Variants in SGCD observed in about 807,000 individuals in gnomAD.
The protein encoded by SGCD is delta-sarcoglycan.
Under a neutral mutation model 36.6 loss-of-function variants are expected in SGCD, and 18 were observed. The observed-to-expected ratio is 0.49, with a 90% CI of 0.34 to 0.73. The LOEUF is 0.73. Ranked by LOEUF, SGCD falls within the 30% of genes least tolerant of loss-of-function variation. The pLI is 0.01. For synonymous variants in SGCD, 133 were observed against 130.6 expected (o/e 1.02, Z -0.12); for missense variants, 387 against 346.7 (o/e 1.12, Z -0.92).
chr5:156,581,343 G>A (rs1760248068), intron 4 of SGCD, among the ~76,000 whole-genome samples: 1 of 152,158 alleles, frequency 6.6e-6, no homozygotes, highest in African/African-American at 2.4e-5. Flanking sequence ...GCCCCTACTG[G>A]GAGGTGTCTC....
intron 3 of SGCD, among the ~76,000 whole-genome samples, chr5:156,425,056 C>A (rs1504930): frequency 2.0e-5 from 3 of 151,428 alleles, no homozygotes; most frequent in Middle Eastern, 3.4e-3. Flanking sequence ...TCTGAGAATG[C>A]TGAGAAACTT....
At chr5:156,478,977 G>A (rs1483406964) in intron 3 of SGCD, among the ~76,000 whole-genome samples, 6 of 152,116 alleles carry the variant, frequency 3.9e-5, no homozygotes, top group African/African-American at 1.4e-4. Flanking sequence ...GAGCCAAATC[G>A]GCCCACTCTC....
chr5:155,886,755 A>G (rs1206419664), intron 1 of SGCD, among the ~76,000 whole-genome samples: 1 of 152,248 alleles, frequency 6.6e-6, no homozygotes, highest in Non-Finnish European at 1.5e-5. Flanking sequence ...TGGGACTAGC[A>G]GCTGAGATGC....
At chr5:156,216,115 A>G (rs567034132) in intron 3 of SGCD, among the ~76,000 whole-genome samples, 6 of 152,300 alleles carry the variant, frequency 3.9e-5, no homozygotes, top group South Asian at 4.1e-4. Context: ...CCTAGAATCT[A>G]AAAATGTTGA....
intron 6 of SGCD, among the ~76,000 whole-genome samples, chr5:156,637,581 C>A (rs1286275746): frequency 6.6e-6 from 1 of 152,146 alleles, no homozygotes; most frequent in Non-Finnish European, 1.5e-5. Context: ...CTACCTACAT[C>A]TCTTTGAACA....
chr5:156,001,484 G>A (rs1009290245), intron 1 of SGCD, among the ~76,000 whole-genome samples: 1 of 152,154 alleles, frequency 6.6e-6, no homozygotes, highest in Non-Finnish European at 1.5e-5. Context: ...CTCACGTTGT[G>A]GATAACAACT....
Position 155,934,329 on chromosome 5 carries a change from T to C in SGCD, c.-282+63905T>C, listed in dbSNP as rs1438159162. Among the ~76,000 whole-genome samples, 5 of 152,362 alleles carry C rather than the reference T, an allele frequency of 3.3e-5. No homozygotes were observed. The East Asian group carries it at 9.6e-4, about 29-fold the overall frequency. On this transcript the variant is annotated intron_variant, in intron 1 of 9. Transcript: ENST00000517913. ...TGAAAATGGCCTGACTTAGTTGGCATCTTGCTCACATCCCAGAGCTGCGTT... is the reference window on the plus strand; with the variant it reads ...TGAAAATGGCCTGACTTAGTTGGCACCTTGCTCACATCCCAGAGCTGCGTT...
intron 3 of SGCD, among the ~76,000 whole-genome samples, chr5:156,197,517 A>G (rs1764050664): frequency 2.1e-5 from 3 of 145,252 alleles, no homozygotes; most frequent in African/African-American, 7.7e-5. Flanking sequence ...TATAGCTCAC[A>G]GTATTAGGGT....
At chr5:155,956,255 C>T (rs1372624176) in intron 1 of SGCD, among the ~76,000 whole-genome samples, 1 of 151,918 alleles carries the variant, frequency 6.6e-6, no homozygotes, top group African/African-American at 2.4e-5. Context: ...ACAGATATTA[C>T]TAGCTTGCAA....
At chr5:155,953,327 C>T (rs896654651) in intron 1 of SGCD, among the ~76,000 whole-genome samples, 2 of 152,184 alleles carry the variant, frequency 1.3e-5, no homozygotes, top group South Asian at 2.1e-4. Context: ...GACCTGCAAA[C>T]TATAGCCTGT....
chr5:156,139,688 G>A (rs538975501), intron 3 of SGCD, among the ~76,000 whole-genome samples: 1 of 152,238 alleles, frequency 6.6e-6, no homozygotes, highest in South Asian at 2.1e-4. Flanking sequence ...TAACCACAGG[G>A]AAACTTTCAC....
intron 6 of SGCD, among the ~76,000 whole-genome samples, chr5:156,642,531 G>A (rs1007180815): frequency 5.0e-5 from 7 of 140,714 alleles, no homozygotes; most frequent in Non-Finnish European, 1.1e-4. Flanking sequence ...GGGCAGTGAT[G>A]GGATCTCGAC....
intron 1 of SGCD, among the ~76,000 whole-genome samples, chr5:155,998,201 A>G (rs998605513): frequency 2.6e-5 from 4 of 152,218 alleles, no homozygotes; most frequent in African/African-American, 9.6e-5. Flanking sequence ...AGCATAATCA[A>G]ACTTCATAAA....
At chr5:155,786,057 C>A in the SGCD span, among the ~76,000 whole-genome samples, 1 of 152,148 alleles carries the variant, frequency 6.6e-6, no homozygotes, top group Non-Finnish European at 1.5e-5. Flanking sequence ...CATATTTTCT[C>A]TCTAACTGTG....
At chr5:156,298,576 CTTTTTT>C (rs924228753) in intron 3 of SGCD, among the ~76,000 whole-genome samples, 1 of 110,516 alleles carries the variant, frequency 9.0e-6, no homozygotes, top group South Asian at 3.0e-4. Context: ...TTTTTCTTTT[CTTTTTT>C]TTTTTTTTTT....
chr5:156,709,176 T>C (rs1052895322), intron 7 of SGCD, among the ~76,000 whole-genome samples: 5 of 152,216 alleles, frequency 3.3e-5, no homozygotes, highest in Admixed American at 3.3e-4. Flanking sequence ...AGTGACGTTT[T>C]GGATGGCATA....
intron 4 of SGCD, among the ~76,000 whole-genome samples, chr5:156,541,825 A>C (rs1314696299): frequency 6.6e-6 from 1 of 152,214 alleles, no homozygotes; most frequent in Non-Finnish European, 1.5e-5. Context: ...AAATAACTCA[A>C]CAAAGGTCGT....
intron 2 of SGCD, among the ~76,000 whole-genome samples, chr5:156,338,957 A>ATT (rs1768501467): frequency 3.2e-5 from 2 of 62,048 alleles, no homozygotes; most frequent in South Asian, 8.0e-4. Context: ...TCAAGTCTTG[A>ATT]CTCTAATGCT....
intron 1 of SGCD, among the ~76,000 whole-genome samples, chr5:155,949,833 T>C (rs550638852): frequency 6.6e-6 from 1 of 152,154 alleles, no homozygotes; most frequent in Non-Finnish European, 1.5e-5. Flanking sequence ...CAGAAAAAGT[T>C]TGGGGATTAC....
Sources: gnomAD v4.1 joint callset for allele counts (sites outside exome capture counted in the v4.1 genomes callset) on GRCh38, gnomAD v4.1.1 for gene constraint, MANE v1.5 for transcripts, NCBI Gene and HGNC (gene_info 2026-07-23, HGNC 2026-07-21) for gene names.